Variants in CTNNA1 observed in about 807,000 individuals in gnomAD.
CTNNA1 encodes the protein catenin alpha 1, also known as catenin alpha-1.
CTNNA1 carries 37 observed loss-of-function variants against 98.4 expected under a neutral mutation model. The observed-to-expected ratio is 0.38, with a 90% CI of 0.29 to 0.49. The LOEUF (loss-of-function observed/expected upper bound fraction) is 0.49, where lower values mean the gene tolerates loss of function less well. Ranked by LOEUF, CTNNA1 falls within the 20% of genes least tolerant of loss-of-function variation. The pLI, the probability that CTNNA1 is intolerant of heterozygous loss-of-function variation, is 0.95. For synonymous variants in CTNNA1, 404 were observed against 413.2 expected (o/e 0.98, Z 0.27); for missense variants, 761 against 1,147.2 (o/e 0.66, Z 4.86).
chr5:138,892,804 G>T (rs1755761316), intron 9 of CTNNA1, among the ~76,000 whole-genome samples: 1 of 151,634 alleles, frequency 6.6e-6, no homozygotes, highest in Admixed American at 6.6e-5. Flanking sequence ...ATCCCCTGAG[G>T]TCAGGAGTTC....
At chr5:138,897,546 G>A (rs987813446) in intron 9 of CTNNA1, among the ~76,000 whole-genome samples, 3 of 152,062 alleles carry the variant, frequency 2.0e-5, no homozygotes, top group Non-Finnish European at 1.5e-5. Context: ...TCTCAGTACT[G>A]TAGGCTGATA....
chr5:138,791,644 G>A (rs1204172669), intron 3 of CTNNA1, among the ~76,000 whole-genome samples: 1 of 85,754 alleles, frequency 1.2e-5, no homozygotes, highest in Admixed American at 1.2e-4. Context: ...AAAAAAAAAG[G>A]GTCTTGTTAG....
intron 4 of CTNNA1, among the ~76,000 whole-genome samples, chr5:138,810,673 T>G (rs1581108017): frequency 6.6e-6 from 1 of 152,256 alleles, no homozygotes; most frequent in Non-Finnish European, 1.5e-5. Flanking sequence ...CAAAATGAAG[T>G]TTCCCATGTC....
At chr5:138,764,619 G>GCAC (rs1752711062) in intron 1 of CTNNA1, among the ~76,000 whole-genome samples, 1 of 150,852 alleles carries the variant, frequency 6.6e-6, no homozygotes, top group Non-Finnish European at 1.5e-5. Flanking sequence ...TTACAGGCAT[G>GCAC]CACCACCACG....
intron 3 of CTNNA1, among the ~76,000 whole-genome samples, chr5:138,784,644 A>G (rs1161075613): frequency 6.6e-6 from 1 of 152,242 alleles, no homozygotes; most frequent in Non-Finnish European, 1.5e-5. Flanking sequence ...TTGGTGGCTT[A>G]GAATAATAGA....
At chr5:138,912,201 G>A (rs1447371915) in intron 10 of CTNNA1, among the ~76,000 whole-genome samples, 1 of 152,140 alleles carries the variant, frequency 6.6e-6, no homozygotes, top group Non-Finnish European at 1.5e-5. Context: ...GGAGCCTGAG[G>A]AAGCACTGTC....
At chr5:138,879,083 G>A (rs745552079) in intron 7 of CTNNA1, among the ~76,000 whole-genome samples, 2 of 148,654 alleles carry the variant, frequency 1.3e-5, no homozygotes, top group Non-Finnish European at 3.0e-5. Flanking sequence ...GGTGACAGGA[G>A]CCTGTAATCC....
chr5:138,920,497 G>T lies in CTNNA1; in HGVS notation c.1546+2599G>T, dbSNP rs183495577. 2.6e-4 allele frequency among the ~76,000 whole-genome samples: 39 copies of T among 152,352 alleles called. No individual in the cohort carries two copies. In the East Asian group the frequency reaches 6.2e-3, roughly 24 times the overall value. Reference sequence around the variant, plus strand: ...CATAGTGAGATGGGCTTGTTTTTGAGTAGGGGCTGCCTGGCAAGTGCCCAG... The same window carrying T: ...CATAGTGAGATGGGCTTGTTTTTGATTAGGGGCTGCCTGGCAAGTGCCCAG... On this transcript the variant is annotated intron_variant, in intron 11 of 17. Coordinates refer to ENST00000302763, the MANE Select transcript of CTNNA1 (RefSeq NM_001903.5).
chr5:138,762,888 T>A (rs1752523692), intron 1 of CTNNA1, among the ~76,000 whole-genome samples: 1 of 152,174 alleles, frequency 6.6e-6, no homozygotes, highest in African/African-American at 2.4e-5. Context: ...TTTTTTCTTT[T>A]TAGACTAAAA....
chr5:138,758,381 GT>G (rs764235463), intron 1 of CTNNA1, among the ~76,000 whole-genome samples: 6 of 134,496 alleles, frequency 4.5e-5, no homozygotes, highest in Non-Finnish European at 9.6e-5. Flanking sequence ...TTTTTTGTTT[GT>G]TTGTTGTTGT....
chr5:138,792,350 T>A (rs1268484816), intron 3 of CTNNA1, among the ~76,000 whole-genome samples: 1 of 151,772 alleles, frequency 6.6e-6, no homozygotes, highest in Non-Finnish European at 1.5e-5. Context: ...CTGACTAGAG[T>A]CAAGATTGAA....
intron 3 of CTNNA1, among the ~76,000 whole-genome samples, chr5:138,791,996 A>T (rs1409426258): frequency 6.6e-6 from 1 of 152,090 alleles, no homozygotes; most frequent in Admixed American, 6.6e-5. Context: ...TTACCCAGTC[A>T]TATAAAACTG....
At chr5:138,765,126 C>T (rs1339423749) in intron 1 of CTNNA1, among the ~76,000 whole-genome samples, 8 of 151,594 alleles carry the variant, frequency 5.3e-5, no homozygotes, top group Non-Finnish European at 7.4e-5. Context: ...CTGCAACCTC[C>T]GCCTCCCAGG....
chr5:138,852,871 G>GCGCACACACACGCGCGCGCGCGCA lies in CTNNA1; in HGVS notation c.1062+25154_1062+25155insGCACACACACGCGCGCGCGCGCAC, dbSNP rs869240008. Among the ~76,000 whole-genome samples, 17 of 151,358 alleles carry GCGCACACACACGCGCGCGCGCGCA rather than the reference G, an allele frequency of 1.1e-4. No individual in the cohort carries two copies. In the East Asian group the frequency reaches 1.6e-3, roughly 14 times the overall value. On this transcript the variant is annotated intron_variant, in intron 7 of 17. Transcript: ENST00000302763. ...CCCTTCCCTCTTTTCGCGCGCGCGC[G>GCGCACACACACGCGCGCGCGCGCA]CACACACACATTTTTGCATAGGTGT... is the stretch of plus-strand genomic sequence containing the variant.
chr5:138,777,300 G>A, intron 1 of CTNNA1, among the ~76,000 whole-genome samples: 1 of 151,812 alleles, frequency 6.6e-6, no homozygotes, highest in Non-Finnish European at 1.5e-5. Flanking sequence ...TAGATGGGAT[G>A]GCGGCCGGGA....
intron 7 of CTNNA1, among the ~76,000 whole-genome samples, chr5:138,842,764 A>G (rs1762379138): frequency 6.6e-6 from 1 of 152,222 alleles, no homozygotes; most frequent in African/African-American, 2.4e-5. Context: ...TTTTCAAAGC[A>G]ATATTAAATG....
chr5:138,800,540 A>T (rs1213159551), intron 3 of CTNNA1, among the ~76,000 whole-genome samples: 1 of 152,158 alleles, frequency 6.6e-6, no homozygotes, highest in East Asian at 1.9e-4. Context: ...CACACCTGTA[A>T]TCCCAGCACT....
chr5:138,832,559 A>T (rs1259014708), intron 7 of CTNNA1, among the ~76,000 whole-genome samples: 1 of 152,232 alleles, frequency 6.6e-6, no homozygotes, highest in Non-Finnish European at 1.5e-5. Context: ...AATGTAATTA[A>T]ATTTGAAAAA....
Position 138,874,668 on chromosome 5 carries a change from A to C in CTNNA1, c.1063-11544A>C, listed in dbSNP as rs1446493984. ...ACATTATAGCAAAAGATTTCACTGCATATAACTTATTTTTCATTTACTGCA... is the reference window on the plus strand; with the variant it reads ...ACATTATAGCAAAAGATTTCACTGCCTATAACTTATTTTTCATTTACTGCA... On this transcript the variant is annotated intron_variant, in intron 7 of 17. Coordinates refer to ENST00000302763, the MANE Select transcript of CTNNA1 (RefSeq NM_001903.5). The surrounding 1 kb of genome is among the most constrained non-coding windows in gnomAD (Gnocchi z 4.1). 7.8e-6 allele frequency: 6 copies of C among 770,306 alleles called. No individual in the cohort carries two copies. The highest frequency in any genetic ancestry group is 1.2e-5 in the Non-Finnish European group (6 of 491,318). 47.7% of individuals were successfully genotyped at this position (770,306 alleles called of 1,614,324 possible). A position where few individuals can be genotyped will look rare whatever the true frequency, so the allele number is the denominator to read the frequency against.
Sources: allele counts gnomAD v4.1 joint callset (sites outside exome capture counted in the v4.1 genomes callset), GRCh38; gene constraint gnomAD v4.1.1; non-coding constraint Gnocchi (gnomAD v3.1); transcripts MANE v1.5; gene names NCBI Gene and HGNC (gene_info 2026-07-23, HGNC 2026-07-21).